The following VAV2 variants were observed in gnomAD, a reference collection of about 807,000 sequenced individuals.
VAV2 encodes vav guanine nucleotide exchange factor 2.
VAV2 carries 67 observed loss-of-function variants against 132.5 expected under a neutral mutation model. That is an observed-to-expected ratio of 0.51 (90% CI 0.42 to 0.62). The LOEUF is 0.62. VAV2 is among the 20% of genes least tolerant of loss of function. VAV2 has a pLI of 0.00. For missense variants in VAV2, 938 were observed against 1,153.6 expected, an observed-to-expected ratio of 0.81 and a Z score of 2.71; for synonymous variants, 492 against 443.5, an observed-to-expected ratio of 1.11 and a Z score of -1.37.
intron 1 of VAV2, among the ~76,000 whole-genome samples, chr9:133,972,565 C>A (rs571587376): frequency 2.0e-5 from 3 of 152,260 alleles, no homozygotes; most frequent in Non-Finnish European, 4.4e-5. Flanking sequence ...CCTGAGCCCC[C>A]CTGAGAAACA....
At chr9:133,831,551 T>A (rs1836264674) in intron 4 of VAV2, among the ~76,000 whole-genome samples, 2 of 152,162 alleles carry the variant, frequency 1.3e-5, no homozygotes, top group Non-Finnish European at 2.9e-5. Context: ...GGGGCAGGCC[T>A]GGCCATGTGG....
At position 133,968,417 on chromosome 9, in the gene VAV2, T is replaced by TG. The variant is rs1051880227; in HGVS notation, c.204+23657dup. ...ATAAATAATACATTTGAAAAGGTTG[T>TG]GGGGGGGAAAAACACCACCAAAAGG... is the stretch of plus-strand genomic sequence containing the variant. On this transcript the variant is annotated intron_variant, in intron 1 of 29. Coordinates refer to ENST00000371850, the MANE Select transcript of VAV2 (RefSeq NM_001134398.2). Among the ~76,000 whole-genome samples, 12 of 152,088 alleles carry TG rather than the reference T, an allele frequency of 7.9e-5. No individual in the cohort carries two copies. In the South Asian group the frequency reaches 1.5e-3, roughly 18 times the overall value.
chr9:133,922,033 A>C (rs558824553), intron 2 of VAV2, among the ~76,000 whole-genome samples: 3 of 152,344 alleles, frequency 2.0e-5, no homozygotes, highest in African/African-American at 4.8e-5. Flanking sequence ...TGCAGACGCC[A>C]TGCATGCAGG....
intron 2 of VAV2, among the ~76,000 whole-genome samples, chr9:133,881,708 A>G (rs900533452): frequency 2.6e-5 from 4 of 152,244 alleles, no homozygotes; most frequent in African/African-American, 7.2e-5. Flanking sequence ...CATGTGTCTG[A>G]TACCAAATGT....
chr9:133,832,265 C>T (rs1836291945), intron 4 of VAV2, among the ~76,000 whole-genome samples: 1 of 152,246 alleles, frequency 6.6e-6, no homozygotes, highest in Non-Finnish European at 1.5e-5. Context: ...AGCAGCTTCA[C>T]ACAGTGGGAG....
At chr9:133,860,367 G>A (rs1837548292) in intron 3 of VAV2, among the ~76,000 whole-genome samples, 1 of 151,858 alleles carries the variant, frequency 6.6e-6, no homozygotes, top group Admixed American at 6.6e-5. Flanking sequence ...AGGAATTTCT[G>A]TGTCCTCTGA....
At chr9:133,913,230 C>T (rs560369089) in intron 2 of VAV2, among the ~76,000 whole-genome samples, 22 of 152,186 alleles carry the variant, frequency 1.4e-4, no homozygotes, top group Non-Finnish European at 2.4e-4. Flanking sequence ...TCCCAAACAA[C>T]GGCTCATAGC....
chr9:133,820,831 A>G (rs2510256), intron 4 of VAV2, among the ~76,000 whole-genome samples: 151,742 of 152,330 alleles, frequency 1, 75,579 homozygotes, highest in Middle Eastern at 1. Flanking sequence ...TCCTGGGAGT[A>G]CAGGGCAGTG....
rs190696676 is a variant in VAV2 at position 133,980,711 on chromosome 9, G to A, written c.204+11364C>T. ...AGCCAGGTCGAGCTCTGCAGTGAGC[G>A]GCAGCCGCTGCCTTATGTCTCTACT... On this transcript the variant is annotated intron_variant, in intron 1 of 29. Coordinates refer to ENST00000371850, the MANE Select transcript of VAV2 (RefSeq NM_001134398.2). 2.8e-3 allele frequency among the ~76,000 whole-genome samples: 427 copies of A among 152,314 alleles called. 4 individuals carry two copies. The highest frequency in any genetic ancestry group is 9.2e-3 in the African/African-American group (384 of 41,566).
intron 3 of VAV2, among the ~76,000 whole-genome samples, chr9:133,850,554 A>G (rs767602632): frequency 2.0e-5 from 3 of 152,160 alleles, no homozygotes; most frequent in Non-Finnish European, 4.4e-5. Context: ...ACATCATGAG[A>G]CCTCAGGAAA....
At chr9:133,917,641 TGA>T (rs1840146250) in intron 2 of VAV2, among the ~76,000 whole-genome samples, 2 of 152,186 alleles carry the variant, frequency 1.3e-5, no homozygotes, top group African/African-American at 2.4e-5. Context: ...CTAGCCTGCC[TGA>T]GAGAGTGCCA....
rs1260388315 is a variant in VAV2, at chr9:133,823,312, G to A, written c.449+10960C>T. Among the ~76,000 whole-genome samples, 1 of 152,220 alleles carries A rather than the reference G, an allele frequency of 6.6e-6. No homozygotes were observed. Among genetic ancestry groups the A allele is most frequent in the African/African-American group, 2.4e-5 (1 of 41,446 alleles). On this transcript the variant is annotated intron_variant, in intron 4 of 29. Transcript: ENST00000371850. The surrounding 1 kb of genome is among the most constrained non-coding windows in gnomAD (Gnocchi z 5.5). ...CTGCTGTCCTTTCTAAGCATCTGGT[G>A]AAGGTGAACTTCAATTCAGCCTGGT...
In VAV2 at chr9:133,840,058, C is replaced by A. The variant is rs1836657672; in HGVS notation, c.381-5718G>T. 6.6e-6 allele frequency among the ~76,000 whole-genome samples: 1 copy of A among 152,184 alleles called. No homozygotes were observed. The highest frequency in any genetic ancestry group is 1.5e-5 in the Non-Finnish European group (1 of 68,022). ...CCGCACTTACCCCTAGCGTCCCCTA[C>A]CCACACCTTGCCCTGTGGCGTTGCC... is the stretch of plus-strand genomic sequence containing the variant. On this transcript the variant is annotated intron_variant, in intron 3 of 29. Transcript: ENST00000371850. The surrounding 1 kb of genome is among the most constrained non-coding windows in gnomAD (Gnocchi z 4.5).
In VAV2 at chr9:133,763,023, C is replaced by T. The variant is rs1833312143; in HGVS notation, c.*1039G>A. The T allele has an allele frequency of 6.6e-6, 1 of 152,614 alleles. No homozygotes were observed. Among genetic ancestry groups the T allele is most frequent in the African/African-American group, 2.4e-5 (1 of 41,444 alleles). 9.5% of individuals were successfully genotyped at this position (152,614 alleles called of 1,614,324 possible). The stretch of plus-strand genomic sequence containing the variant: ...GGAGGTAATGGGGTAGAGCCACCCC[C>T]AAGAGCACTTATTTTGAGTCGCCCG... On this transcript the variant is annotated 3_prime_UTR_variant, in exon 30 of 30. Coordinates refer to ENST00000371850, the MANE Select transcript of VAV2 (RefSeq NM_001134398.2). This position sits in a 1 kb window ranked among gnomAD's most constrained non-coding sequence, Gnocchi z 6.8.
rs897579137 is a variant in VAV2 at position 133,833,306 on chromosome 9, T to A, written c.449+966A>T. Among the ~76,000 whole-genome samples, 1 of 152,146 alleles carries A rather than the reference T, an allele frequency of 6.6e-6. No homozygotes were observed. The highest frequency in any genetic ancestry group is 2.4e-5 in the African/African-American group (1 of 41,432). On this transcript the variant is annotated intron_variant, in intron 4 of 29. Transcript: ENST00000371850. This position sits in a 1 kb window ranked among gnomAD's most constrained non-coding sequence, Gnocchi z 5.6. ...CAGTAAGACAGGGACAGCCCCAGCA[T>A]ACACAGCAGGCACTCCCATACACGC...
At chr9:133,782,418 G>C (rs1834044023) in intron 19 of VAV2, among the ~76,000 whole-genome samples, 3 of 152,170 alleles carry the variant, frequency 2.0e-5, no homozygotes, top group East Asian at 1.9e-4. Flanking sequence ...ACTAACTCCA[G>C]GGGCTGCGGG....
At chr9:133,910,053 G>A (rs890423220) in intron 2 of VAV2, among the ~76,000 whole-genome samples, 2 of 152,170 alleles carry the variant, frequency 1.3e-5, no homozygotes, top group African/African-American at 2.4e-5. Context: ...CAATAAAGAG[G>A]AATTAACACA....
In VAV2 at chr9:133,894,457, G is replaced by A. The variant is rs761611045; in HGVS notation, c.322-33025C>T. 1.8e-3 allele frequency among the ~76,000 whole-genome samples: 271 copies of A among 152,328 alleles called. 1 individual carries two copies. The highest frequency in any genetic ancestry group is 4.7e-3 in the Admixed American group (72 of 15,312). On this transcript the variant is annotated intron_variant, in intron 2 of 29. Transcript: ENST00000371850. ...AGGATCACAGGGCCCAATAAAGGTG[G>A]AAACCGCCTTTACGCCCTCTGAGCC...
intron 2 of VAV2, among the ~76,000 whole-genome samples, chr9:133,934,813 C>T (rs1024324861): frequency 1.3e-5 from 2 of 152,212 alleles, no homozygotes; most frequent in Non-Finnish European, 2.9e-5. Context: ...AGCCGATGCT[C>T]CTAATCGGCC....
Sources: gnomAD v4.1 joint callset for allele counts (sites outside exome capture counted in the v4.1 genomes callset) on GRCh38, gnomAD v4.1.1 for gene constraint, Gnocchi (gnomAD v3.1) non-coding constraint, MANE v1.5 for transcripts, NCBI Gene and HGNC (gene_info 2026-07-23, HGNC 2026-07-21) for gene names.